The following PADI4 variants were observed in gnomAD, a reference collection of about 807,000 sequenced individuals.
PADI4 encodes the protein protein-arginine deiminase type-4.
Under a neutral mutation model 75.0 loss-of-function variants are expected in PADI4, and 62 were observed. That is an observed-to-expected ratio of 0.83 (90% CI 0.67 to 1.02). The LOEUF (loss-of-function observed/expected upper bound fraction) is 1.02. Ranked by LOEUF, PADI4 falls within the 50% of genes least tolerant of loss-of-function variation. PADI4 has a pLI of 0.00. For missense variants in PADI4, 845 were observed against 850.5 expected (o/e 0.99, Z 0.08); for synonymous variants, 361 against 348.1 (o/e 1.04, Z -0.41).
chr1:17,349,696 C>T (rs1454095466), intron 10 of PADI4, among the ~76,000 whole-genome samples: 1 of 41,498 alleles, frequency 2.4e-5, no homozygotes, highest in East Asian at 1.2e-3. Context: ...CAGAGCAAGA[C>T]TGTATCAAAA....
intron 1 of PADI4, among the ~76,000 whole-genome samples, chr1:17,329,119 G>A (rs564104991): frequency 6.8e-6 from 1 of 146,718 alleles, no homozygotes; most frequent in Admixed American, 6.8e-5. Flanking sequence ...GATATTTTTT[G>A]TACGAGTGCA....
intron 1 of PADI4, among the ~76,000 whole-genome samples, chr1:17,322,011 G>A (rs966378922): frequency 5.9e-5 from 9 of 152,222 alleles, no homozygotes; most frequent in Non-Finnish European, 8.8e-5. Flanking sequence ...AGGTAGAGGA[G>A]TAGTCACTTA....
At position 17,363,800 on chromosome 1, in the gene PADI4, G is replaced by A; in HGVS notation, c.*45G>A. ...CTCTCCCTCCTGGCCAGATGTCGCT[G>A]GGTCCTCTGCAGTGTGGCAAGCAAG... On this transcript the variant is annotated 3_prime_UTR_variant, in exon 16 of 16. Transcript: ENST00000375448. 7.2e-7 allele frequency: 1 copy of A among 1,393,266 alleles called. No individual in the cohort carries two copies. The highest frequency in any genetic ancestry group is 1.0e-6 in the Non-Finnish European group (1 of 983,098). The allele number at this position is 1,393,266 out of a possible 1,614,324, so 86.3% of individuals were successfully genotyped here.
chr1:17,322,928 G>A (rs2074055723), intron 1 of PADI4, among the ~76,000 whole-genome samples: 1 of 151,790 alleles, frequency 6.6e-6, no homozygotes, highest in Non-Finnish European at 1.5e-5. Flanking sequence ...AAACTTAGTG[G>A]CTCAAAATGA....
At chr1:17,354,365 C>G (rs2074722469) in intron 10 of PADI4, among the ~76,000 whole-genome samples, 168 bp from the exon 11 acceptor site, 1 of 152,194 alleles carries the variant, frequency 6.6e-6, no homozygotes, top group Non-Finnish European at 1.5e-5. Flanking sequence ...TGAATGAACT[C>G]AACATTCCTT....
At chr1:17,341,853 TG>T in intron 6 of PADI4, 89 bp from the exon 7 acceptor site, 1 of 981,482 alleles carries the variant, frequency 1.0e-6, no homozygotes, top group Non-Finnish European at 1.5e-6. Context: ...GTGGTGACCC[TG>T]GGAAAGGCTT....
chr1:17,343,356 G>A (rs573235402), intron 8 of PADI4, among the ~76,000 whole-genome samples: 15 of 152,248 alleles, frequency 9.9e-5, no homozygotes, highest in African/African-American at 1.2e-4. Flanking sequence ...TCTGAGAGCC[G>A]CTGACAAGTG....
chr1:17,310,759 G>A (rs1037984063), intron 1 of PADI4, among the ~76,000 whole-genome samples: 2 of 148,502 alleles, frequency 1.3e-5, no homozygotes, highest in African/African-American at 4.9e-5. Context: ...TCAGAATTTC[G>A]AGACCAGCCT....
At chr1:17,308,439 G>T in intron 1 of PADI4, 125 bp downstream of exon 1, 1 of 717,646 alleles carries the variant, frequency 1.4e-6, no homozygotes, top group African/African-American at 1.8e-5. Flanking sequence ...CCACTGCCAG[G>T]GGAGTAGCTG....
rs6665305 is a variant in PADI4, at chr1:17,341,326, C to G, written c.653-617C>G. Among the ~76,000 whole-genome samples, 473 of 152,276 alleles carry G rather than the reference C, an allele frequency of 3.1e-3. 5 individuals carry two copies. Among genetic ancestry groups the G allele is most frequent in the African/African-American group, 0.011 (441 of 41,566 alleles). On this transcript the variant is annotated intron_variant, in intron 6 of 15. Transcript: ENST00000375448. Reference sequence around the variant, plus strand: ...ATGTTGGCCAGGCTGGTCTGGATCTCCTGACCTTGTGATCCTCCTGCCTCG... The same window carrying G: ...ATGTTGGCCAGGCTGGTCTGGATCTGCTGACCTTGTGATCCTCCTGCCTCG...
intron 7 of PADI4, 69 bp downstream of exon 7, chr1:17,342,190 G>T: frequency 1.3e-6 from 2 of 1,521,632 alleles, no homozygotes; most frequent in Non-Finnish European, 1.8e-6. Context: ...AGGGAAAGGG[G>T]TACAGAGCCC....
intron 4 of PADI4, among the ~76,000 whole-genome samples, chr1:17,337,037 G>C (rs1222397139): frequency 6.6e-6 from 1 of 152,234 alleles, no homozygotes; most frequent in African/African-American, 2.4e-5. Flanking sequence ...TTTGCTGAAT[G>C]AGTAATTAAG....
intron 1 of PADI4, among the ~76,000 whole-genome samples, chr1:17,324,286 T>C (rs1014933840): frequency 2.0e-5 from 3 of 152,010 alleles, no homozygotes; most frequent in African/African-American, 7.2e-5. Flanking sequence ...TTCTTTATGG[T>C]GTTAACCTTT....
chr1:17,334,563 A>C (rs1184597943), intron 3 of PADI4: 2 of 455,524 alleles, frequency 4.4e-6, no homozygotes, highest in African/African-American at 4.0e-5. Flanking sequence ...TCAGGCTCCC[A>C]AAGTGCTCGG....
At chr1:17,345,457 C>T (rs1031535037) in intron 8 of PADI4, among the ~76,000 whole-genome samples, 2 of 151,988 alleles carry the variant, frequency 1.3e-5, no homozygotes, top group Admixed American at 1.3e-4. Context: ...TTTGGAGGGG[C>T]CAGGGGCAGG....
chr1:17,361,405 G>T (rs1420393882), intron 15 of PADI4, among the ~76,000 whole-genome samples: 12 of 152,240 alleles, frequency 7.9e-5, no homozygotes. Context: ...CACTGTTCAA[G>T]GTCCCCAGAG....
At chr1:17,357,985 C>T (rs189080834) in intron 13 of PADI4, among the ~76,000 whole-genome samples, 281 of 146,100 alleles carry the variant, frequency 1.9e-3, no homozygotes, top group African/African-American at 6.8e-3. Context: ...TGGTGGCTCA[C>T]ACCTGTAATC....
chr1:17,334,208 G>A (rs975403608), intron 3 of PADI4, 199 bp downstream of exon 3: 12 of 583,640 alleles, frequency 2.1e-5, no homozygotes, highest in Non-Finnish European at 3.2e-5. Flanking sequence ...GAAATACAAT[G>A]TGGCAGTGGT....
rs2074772582 is a variant in PADI4 at position 17,356,998 on chromosome 1, A to G, written c.1558+539A>G. ...TCTGTGGCTGAGAGCTCCACCTCAG[A>G]TCTGAGTATGTTGTGTGGCATCAGG... On this transcript the variant is annotated intron_variant, in intron 13 of 15. Transcript: ENST00000375448. This position sits in a 1 kb window ranked among gnomAD's most constrained non-coding sequence, Gnocchi z 4.1. Among the ~76,000 whole-genome samples, 1 of 152,014 alleles carries G rather than the reference A, an allele frequency of 6.6e-6. No individual in the cohort carries two copies. The highest frequency in any genetic ancestry group is 1.5e-5 in the Non-Finnish European group (1 of 67,990).
Sources: allele counts gnomAD v4.1 joint callset (sites outside exome capture counted in the v4.1 genomes callset), GRCh38; gene constraint gnomAD v4.1.1; non-coding constraint Gnocchi (gnomAD v3.1); transcripts MANE v1.5; gene names NCBI Gene and HGNC (gene_info 2026-07-23, HGNC 2026-07-21).